Variants in FANCC observed in about 807,000 individuals in gnomAD.
FANCC encodes the protein FA complementation group C.
A neutral mutation model predicts 71.3 loss-of-function variants in FANCC; 55 were observed. That is an observed-to-expected ratio of 0.77 (90% CI 0.62 to 0.97). FANCC has a LOEUF of 0.97. FANCC is among the 50% of genes least tolerant of loss of function. The pLI, the probability that FANCC is intolerant of heterozygous loss-of-function variation, is 0.00. For synonymous variants in FANCC, 275 were observed against 244.9 expected (o/e 1.12, Z -1.15); for missense variants, 678 against 670.9 (o/e 1.01, Z -0.12).
At chr9:95,155,852 G>A (rs1343868500) in intron 6 of FANCC, among the ~76,000 whole-genome samples, 2 of 151,572 alleles carry the variant, frequency 1.3e-5, no homozygotes. Flanking sequence ...CCTAGTAGCT[G>A]GGATTACAGG....
chr9:95,316,841 C>T (rs1221883232), intron 1 of FANCC: 1 of 152,310 alleles, frequency 6.6e-6, no homozygotes, highest in Non-Finnish European at 1.5e-5. Context: ...CCTGAAAAAT[C>T]TCTCACGGGC....
chr9:95,316,233 C>T (rs1835731618), intron 1 of FANCC, among the ~76,000 whole-genome samples: 1 of 152,256 alleles, frequency 6.6e-6, no homozygotes, highest in Admixed American at 6.5e-5. Context: ...AATTCTTTTT[C>T]GATGCAGCCT....
At chr9:95,239,996 G>A (rs1417971784) in intron 4 of FANCC, among the ~76,000 whole-genome samples, 1 of 152,240 alleles carries the variant, frequency 6.6e-6, no homozygotes. Context: ...CCAATGCGCT[G>A]CTGGTGAGGG....
intron 1 of FANCC, chr9:95,292,816 C>G: frequency 1.3e-6 from 2 of 1,577,978 alleles, no homozygotes; most frequent in Non-Finnish European, 1.7e-6. Flanking sequence ...AAAATCCATG[C>G]TGAGAAGAAG....
chr9:95,255,548 T>C (rs1216768158), intron 1 of FANCC, among the ~76,000 whole-genome samples: 1 of 152,098 alleles, frequency 6.6e-6, no homozygotes, highest in East Asian at 1.9e-4. Flanking sequence ...CGAAGGTCAC[T>C]AACATCAAAG....
intron 1 of FANCC, chr9:95,294,034 A>G: frequency 6.2e-7 from 1 of 1,600,046 alleles, no homozygotes; most frequent in South Asian, 1.1e-5. Context: ...TGCACCAATT[A>G]TAAACTTCAG....
At chr9:95,148,811 GA>G (rs1829909072) in intron 7 of FANCC, among the ~76,000 whole-genome samples, 2 of 152,212 alleles carry the variant, frequency 1.3e-5, no homozygotes, top group Non-Finnish European at 2.9e-5. Context: ...CATAATTTCA[GA>G]TTCCACATTG....
rs4647556 is a variant in FANCC at position 95,100,045 on chromosome 9, G to A, written c.*1662C>T. 1,773 of 232,368 alleles carry A rather than the reference G, an allele frequency of 7.6e-3. 30 individuals are homozygous for A. The highest frequency in any genetic ancestry group is 0.037 in the African/African-American group (1,686 of 45,398). The allele number at this position is 232,368 out of a possible 1,614,324, so 14.4% of individuals were successfully genotyped here. On this transcript the variant is annotated 3_prime_UTR_variant, in exon 15 of 15. Coordinates refer to ENST00000289081, the MANE Select transcript of FANCC (RefSeq NM_000136.3). ...CTGCTGCCACCATGTCCACAGAGGA[G>A]TCACAGCTTCCATGGCCCAGCCACA...
intron 6 of FANCC, among the ~76,000 whole-genome samples, chr9:95,155,287 A>AAGGGG (rs1564702944): frequency 1.2e-4 from 3 of 24,054 alleles, no homozygotes; most frequent in Non-Finnish European, 2.2e-4. Context: ...GAGGGGAAGG[A>AAGGGG]AGGGGACGGA....
intron 4 of FANCC, among the ~76,000 whole-genome samples, chr9:95,191,254 C>CT (rs1827082459): frequency 1.3e-5 from 2 of 151,880 alleles, no homozygotes; most frequent in Non-Finnish European, 2.9e-5. Flanking sequence ...CTCCTATGGC[C>CT]CAGGGTGGGG....
chr9:95,300,331 A>G (rs1834643643), intron 1 of FANCC, among the ~76,000 whole-genome samples: 1 of 152,210 alleles, frequency 6.6e-6, no homozygotes, highest in Non-Finnish European at 1.5e-5. Context: ...GATCCAAGTA[A>G]AAGACTAAAA....
chr9:95,277,984 T>C (rs1276563988), intron 1 of FANCC, among the ~76,000 whole-genome samples: 2 of 152,236 alleles, frequency 1.3e-5, no homozygotes, highest in African/African-American at 4.8e-5. Context: ...TGCACATTTT[T>C]TCTCTCTTAT....
chr9:95,285,202 G>C (rs1018421480), intron 1 of FANCC, among the ~76,000 whole-genome samples: 1 of 151,948 alleles, frequency 6.6e-6, no homozygotes, highest in African/African-American at 2.4e-5. Context: ...GTAATTAGGA[G>C]CCCTAGGGAG....
chr9:95,247,347 G>C (rs761618272), intron 3 of FANCC, 85 bp downstream of exon 3: 11 of 985,784 alleles, frequency 1.1e-5, no homozygotes, highest in African/African-American at 1.6e-5. Flanking sequence ...AAAAAAACTA[G>C]GAGAAAGGTT....
intron 4 of FANCC, among the ~76,000 whole-genome samples, chr9:95,203,964 C>T (rs1302510928): frequency 6.6e-6 from 1 of 152,136 alleles, no homozygotes; most frequent in Admixed American, 6.5e-5. Context: ...CCCCAGAGTC[C>T]TTGGACCACA....
chr9:95,189,530 G>T (rs903103529), intron 4 of FANCC, among the ~76,000 whole-genome samples: 3 of 152,092 alleles, frequency 2.0e-5, no homozygotes, highest in Non-Finnish European at 4.4e-5. Flanking sequence ...ATTAGTTCCG[G>T]GGGGGGAAAT....
At chr9:95,275,336 G>A (rs537785852) in intron 1 of FANCC, among the ~76,000 whole-genome samples, 184 of 152,098 alleles carry the variant, frequency 1.2e-3, no homozygotes, top group Non-Finnish European at 2.0e-3. Context: ...AATTCCACTC[G>A]GGCAGGGGAG....
At chr9:95,245,995 A>T (rs1564791409) in intron 3 of FANCC, among the ~76,000 whole-genome samples, 1 of 152,132 alleles carries the variant, frequency 6.6e-6, no homozygotes, top group African/African-American at 2.4e-5. Flanking sequence ...AGAAAGTCTA[A>T]GGGGGGTGCC....
chr9:95,271,484 GC>G (rs1564815590), intron 1 of FANCC, among the ~76,000 whole-genome samples: 1 of 152,128 alleles, frequency 6.6e-6, no homozygotes, highest in Non-Finnish European at 1.5e-5. Flanking sequence ...GCGGCCACAA[GC>G]CCAGGAATGC....
Sources: allele counts gnomAD v4.1 joint callset (sites outside exome capture counted in the v4.1 genomes callset), GRCh38; gene constraint gnomAD v4.1.1; transcripts MANE v1.5; gene names NCBI Gene and HGNC (gene_info 2026-07-23, HGNC 2026-07-21).